GOLM1: variants seen among roughly 807,000 people sequenced by gnomAD.
GOLM1 encodes epididymis luminal protein 46.
In GOLM1, 31 loss-of-function variants were observed where a neutral mutation model predicts 50.5. That is an observed-to-expected ratio of 0.61 (90% confidence interval 0.46 to 0.83). The LOEUF (loss-of-function observed/expected upper bound fraction) is 0.83, where lower values mean the gene tolerates loss of function less well. Ranked by LOEUF, GOLM1 falls within the 40% of genes least tolerant of loss-of-function variation. The probability of loss-of-function intolerance (pLI) is 0.00; values close to 1 mark genes in which losing one functional copy is unlikely to be tolerated. For synonymous variants in GOLM1, 178 were observed against 192.8 expected, an observed-to-expected ratio of 0.92 and a Z score of 0.64; for missense variants, 491 against 501.3, an observed-to-expected ratio of 0.98 and a Z score of 0.20.
intron 9 of GOLM1, among the ~76,000 whole-genome samples, chr9:86,031,728 C>T (rs1375011822): frequency 3.3e-5 from 5 of 151,722 alleles, no homozygotes; most frequent in African/African-American, 4.8e-5. Context: ...TCCCAAAGTG[C>T]TGGGTTACAG....
intron 9 of GOLM1, among the ~76,000 whole-genome samples, chr9:86,032,656 A>G (rs1833020470): frequency 6.6e-6 from 1 of 152,192 alleles, no homozygotes; most frequent in African/African-American, 2.4e-5. Flanking sequence ...AGTTCAAAGC[A>G]TCCTCTTCTA....
At chr9:86,087,043 A>G (rs950597148) in intron 1 of GOLM1, among the ~76,000 whole-genome samples, 1 of 152,216 alleles carries the variant, frequency 6.6e-6, no homozygotes, top group African/African-American at 2.4e-5. Flanking sequence ...TACTTTGGGC[A>G]GTATGGCCAT....
At chr9:86,068,370 G>T in intron 3 of GOLM1, among the ~76,000 whole-genome samples, 1 of 152,162 alleles carries the variant, frequency 6.6e-6, no homozygotes, top group South Asian at 2.1e-4. Flanking sequence ...TAATTTGTAC[G>T]CAGCCCTAGG....
intron 9 of GOLM1, among the ~76,000 whole-genome samples, chr9:86,032,368 C>T (rs569834150): frequency 6.6e-6 from 1 of 152,050 alleles, no homozygotes; most frequent in Non-Finnish European, 1.5e-5. Context: ...GGGGTTTCAC[C>T]GTGTTAGCCA....
intron 4 of GOLM1, among the ~76,000 whole-genome samples, chr9:86,050,290 G>T (rs1458338356): frequency 6.6e-6 from 1 of 152,090 alleles, no homozygotes; most frequent in African/African-American, 2.4e-5. Context: ...GAGGATTTTT[G>T]CATCGATGTT....
rs188471955 is a variant in GOLM1 at position 86,039,828 on chromosome 9, T to C, written c.597+911A>G. Among the ~76,000 whole-genome samples, 949 of 151,684 alleles carry C rather than the reference T, an allele frequency of 6.3e-3. 13 individuals are homozygous for C. The highest frequency in any genetic ancestry group is 0.033 in the South Asian group (157 of 4,790). ...ACTAAAAATACAAAAATTAGCCAGG[T>C]GTGGTGGTGGGTGCCTGTAATCCCA... On this transcript the variant is annotated intron_variant, in intron 6 of 9. Coordinates refer to ENST00000388712, the MANE Select transcript of GOLM1 (RefSeq NM_016548.4).
intron 3 of GOLM1, among the ~76,000 whole-genome samples, chr9:86,072,189 T>C (rs1237852572): frequency 6.6e-6 from 1 of 152,156 alleles, no homozygotes; most frequent in Non-Finnish European, 1.5e-5. Flanking sequence ...ACAGTGGTTG[T>C]ACAGGCAGGA....
At chr9:86,098,641 A>G (rs1241315364) in intron 1 of GOLM1, among the ~76,000 whole-genome samples, 1 of 152,254 alleles carries the variant, frequency 6.6e-6, no homozygotes, top group African/African-American at 2.4e-5. Context: ...TAATTCTTAA[A>G]TTTTGCTAAA....
intron 6 of GOLM1, among the ~76,000 whole-genome samples, chr9:86,039,742 T>A (rs887257178): frequency 6.6e-6 from 1 of 151,884 alleles, no homozygotes; most frequent in African/African-American, 2.4e-5. Flanking sequence ...CCGAGGTGGG[T>A]GGATCACTTG....
At chr9:86,030,241 A>AAAAAGTT (rs1480865237) in intron 9 of GOLM1, among the ~76,000 whole-genome samples, 1 of 150,130 alleles carries the variant, frequency 6.7e-6, no homozygotes, top group African/African-American at 2.5e-5. Flanking sequence ...AAAAAAAAAA[A>AAAAAGTT]AGAATAGAAG....
rs73476973 is a variant in GOLM1, at chr9:86,040,342, G to C, written c.597+397C>G. On this transcript the variant is annotated intron_variant, in intron 6 of 9. Transcript: ENST00000388712. ...TTCGTGGGCTGTGCTCTGCACAGGA[G>C]GTGGAATGACAGCACGAGACATGGA... is the stretch of plus-strand genomic sequence containing the variant. Among the ~76,000 whole-genome samples, 1,023 of 152,276 alleles carry C rather than the reference G, an allele frequency of 6.7e-3. 13 individuals are homozygous for C. Among genetic ancestry groups the C allele is most frequent in the African/African-American group, 0.024 (989 of 41,542 alleles).
intron 9 of GOLM1, among the ~76,000 whole-genome samples, chr9:86,028,960 C>T (rs372370345): frequency 4.6e-5 from 7 of 151,808 alleles, no homozygotes; most frequent in African/African-American, 7.3e-5. Context: ...GCCATTCTCC[C>T]GCCTAAGCTT....
rs567790553 is a variant in GOLM1 at position 86,032,014 on chromosome 9, G to A, written c.1129+1268C>T. 3.1e-4 allele frequency among the ~76,000 whole-genome samples: 47 copies of A among 149,440 alleles called. No homozygotes were observed. In the South Asian group the frequency reaches 9.9e-3, roughly 32 times the overall value. On this transcript the variant is annotated intron_variant, in intron 9 of 9. Transcript: ENST00000388712. ...AGAACACACCACCACTCACCTTACC[G>A]AGGGCTTGAGCCAGGACCTGAGTCT...
intron 3 of GOLM1, among the ~76,000 whole-genome samples, chr9:86,056,017 G>T (rs1833973794): frequency 1.3e-5 from 2 of 152,158 alleles, no homozygotes; most frequent in Non-Finnish European, 2.9e-5. Context: ...ATTACACAGT[G>T]TTTACCCCCA....
At chr9:86,089,373 C>A (rs555667919) in intron 1 of GOLM1, among the ~76,000 whole-genome samples, 1 of 152,246 alleles carries the variant, frequency 6.6e-6, no homozygotes, top group African/African-American at 2.4e-5. Context: ...TCCATTCCCC[C>A]CCTCACTTTC....
Position 86,039,583 on chromosome 9 carries a change from C to A in GOLM1, c.597+1156G>T, listed in dbSNP as rs573664290. Among the ~76,000 whole-genome samples, 16 of 152,312 alleles carry A rather than the reference C, an allele frequency of 1.1e-4. 1 individual carries two copies. Among genetic ancestry groups the A allele is most frequent in the Admixed American group, 9.2e-4 (14 of 15,300 alleles). ...GATGAATAATCCACATGTGGTCTAT[C>A]CACAGGATGGATTAATCAGCCATTA... is the stretch of plus-strand genomic sequence containing the variant. On this transcript the variant is annotated intron_variant, in intron 6 of 9. Coordinates refer to ENST00000388712, the MANE Select transcript of GOLM1 (RefSeq NM_016548.4).
chr9:86,077,138 A>G (rs1834641678), intron 3 of GOLM1, among the ~76,000 whole-genome samples: 1 of 152,140 alleles, frequency 6.6e-6, no homozygotes. Context: ...AAAAAACCCA[A>G]TAGGAGAAAA....
intron 5 of GOLM1, among the ~76,000 whole-genome samples, chr9:86,041,082 A>G (rs897079581): frequency 6.6e-6 from 1 of 152,258 alleles, no homozygotes; most frequent in Admixed American, 6.5e-5. Flanking sequence ...GTTCTAAAAC[A>G]GTGAACTTTA....
chr9:86,054,989 G>A (rs769372019), intron 3 of GOLM1, among the ~76,000 whole-genome samples: 6 of 152,170 alleles, frequency 3.9e-5, no homozygotes, highest in African/African-American at 7.2e-5. Context: ...AGTGGTGGAC[G>A]ATGGCAAGCA....
Sources: allele counts gnomAD v4.1 joint callset (sites outside exome capture counted in the v4.1 genomes callset), GRCh38; gene constraint gnomAD v4.1.1; transcripts MANE v1.5; gene names NCBI Gene and HGNC (gene_info 2026-07-23, HGNC 2026-07-21).